The following CAPZA1 variants were observed in gnomAD, a reference collection of about 807,000 sequenced individuals.
CAPZA1 encodes capping actin protein of muscle Z-line subunit alpha 1, also known as F-actin-capping protein subunit alpha-1.
Under a neutral mutation model 40.8 loss-of-function variants are expected in CAPZA1, and 10 were observed. The observed-to-expected ratio is 0.25, with a 90% CI of 0.15 to 0.42. The LOEUF (loss-of-function observed/expected upper bound fraction) is 0.42, where lower values mean the gene tolerates loss of function less well. CAPZA1 is among the 10% of genes least tolerant of loss of function. The pLI is 1.00. For synonymous variants in CAPZA1, 98 were observed against 115.0 expected (o/e 0.85, Z 0.95); for missense variants, 277 against 353.8 (o/e 0.78, Z 1.74).
At chr1:112,656,466 T>TTTTTTTC (rs1553180448) in intron 5 of CAPZA1, among the ~76,000 whole-genome samples, 4,250 of 94,336 alleles carry the variant, frequency 0.045, 1,043 homozygotes, top group Middle Eastern at 0.12. Flanking sequence ...TTTTTTTTTT[T>TTTTTTTC]AATGAGAATA....
chr1:112,642,072 T>G (rs1456590670), intron 1 of CAPZA1, among the ~76,000 whole-genome samples: 1 of 152,114 alleles, frequency 6.6e-6, no homozygotes, highest in African/African-American at 2.4e-5. Flanking sequence ...AACTCCTGCG[T>G]TCAGTTTGTT....
chr1:112,644,771 G>A (rs1485032006), intron 1 of CAPZA1, among the ~76,000 whole-genome samples: 1 of 152,028 alleles, frequency 6.6e-6, no homozygotes, highest in Admixed American at 6.5e-5. Context: ...ACCCATTTGT[G>A]GTGAGTCCTA....
chr1:112,641,104 T>A (rs1671148025), intron 1 of CAPZA1, among the ~76,000 whole-genome samples: 1 of 152,172 alleles, frequency 6.6e-6, no homozygotes, highest in South Asian at 2.1e-4. Context: ...CAGGGTCCTC[T>A]GCCTAGGAAA....
chr1:112,644,888 A>C (rs775304180), intron 1 of CAPZA1, among the ~76,000 whole-genome samples: 33 of 152,212 alleles, frequency 2.2e-4, no homozygotes, highest in Non-Finnish European at 4.3e-4. Context: ...AGGATCTTAC[A>C]TCAGTTTAAG....
chr1:112,629,596 T>G (rs945448667), intron 1 of CAPZA1, among the ~76,000 whole-genome samples: 2 of 152,228 alleles, frequency 1.3e-5, no homozygotes, highest in African/African-American at 2.4e-5. Context: ...GATTTCCAAG[T>G]TTTGTGAGGC....
chr1:112,669,879 C>G, intron 9 of CAPZA1, 113 bp from the exon 10 acceptor site: 1 of 1,135,782 alleles, frequency 8.8e-7, no homozygotes, highest in Non-Finnish European at 1.3e-6. Flanking sequence ...ATAATATATC[C>G]TGTCTATCCT....
At chr1:112,620,647 A>T (rs915838023) in intron 1 of CAPZA1, 1 of 152,248 alleles carries the variant, frequency 6.6e-6, no homozygotes, top group African/African-American at 2.4e-5. Context: ...AATAAACCTT[A>T]TGTTAACACG....
At position 112,670,131 on chromosome 1, in the gene CAPZA1, A is replaced by G; in HGVS notation, c.860A>G (p.Ter287=). ...YKIGKEMQNA[*] ...ATTGGCAAAGAAATGCAGAATGCTT[A>G]AAGGCTGAATGTAGGATTCTTCAGT... Residue 287 remains the stop codon, a stop_retained_variant, in exon 10 of 10, where the codon TAA becomes TGA. Transcript: ENST00000263168. 1.2e-6 allele frequency: 2 copies of G among 1,613,960 alleles called. No individual in the cohort carries two copies. The highest frequency in any genetic ancestry group is 1.7e-5 in the Admixed American group (1 of 60,020).
chr1:112,646,098 G>A (rs142747300), intron 1 of CAPZA1, among the ~76,000 whole-genome samples: 208 of 152,134 alleles, frequency 1.4e-3, no homozygotes, highest in Non-Finnish European at 2.4e-3. Flanking sequence ...TGAGATAAGC[G>A]GATTAGAACC....
chr1:112,638,520 G>A (rs1404857724), intron 1 of CAPZA1, among the ~76,000 whole-genome samples: 1 of 152,012 alleles, frequency 6.6e-6, no homozygotes, highest in Non-Finnish European at 1.5e-5. Flanking sequence ...ACACCATGTT[G>A]GCCAGGCTGG....
At chr1:112,653,485 T>A in intron 3 of CAPZA1, 113 bp from the exon 4 acceptor site, 1 of 713,738 alleles carries the variant, frequency 1.4e-6, no homozygotes, top group Non-Finnish European at 2.3e-6. Flanking sequence ...GGGTACTATT[T>A]TCACATTTCC....
At chr1:112,656,263 T>A (rs1671497377) in intron 5 of CAPZA1, among the ~76,000 whole-genome samples, 1 of 152,164 alleles carries the variant, frequency 6.6e-6, no homozygotes, top group African/African-American at 2.4e-5. Context: ...TTACTTAACA[T>A]CTCTGTGCCT....
intron 3 of CAPZA1, 163 bp downstream of exon 3, chr1:112,649,632 C>T (rs1671346853): frequency 1.6e-6 from 1 of 626,434 alleles, no homozygotes; most frequent in Admixed American, 3.2e-5. Context: ...ACATGTTCCC[C>T]CAATTGTTGT....
chr1:112,619,905 C>G, intron 1 of CAPZA1, 22 bp downstream of exon 1: 1 of 1,593,536 alleles, frequency 6.3e-7, no homozygotes, highest in African/African-American at 1.3e-5. Context: ...GCCTCTCTCT[C>G]TTACCTCCTC....
chr1:112,632,130 C>T (rs1450426955), intron 1 of CAPZA1, among the ~76,000 whole-genome samples: 1 of 152,134 alleles, frequency 6.6e-6, no homozygotes, highest in African/African-American at 2.4e-5. Context: ...CATGGTGAAA[C>T]CCCATCTCTA....
intron 8 of CAPZA1, among the ~76,000 whole-genome samples, chr1:112,668,245 C>T (rs1229398199): frequency 1.3e-5 from 2 of 152,114 alleles, no homozygotes; most frequent in Non-Finnish European, 2.9e-5. Context: ...CACTGCACTT[C>T]AGCCTGGGTG....
intron 3 of CAPZA1, among the ~76,000 whole-genome samples, chr1:112,653,173 A>C (rs1183274615): frequency 6.6e-6 from 1 of 152,210 alleles, no homozygotes; most frequent in Non-Finnish European, 1.5e-5. Flanking sequence ...GATTGCTTCA[A>C]ACTTTGGAAT....
Position 112,659,773 on chromosome 1 carries a change from G to T in CAPZA1, c.579G>T (p.Lys193Asn). Residue 193 changes from lysine to asparagine, a missense_variant, in exon 7 of 10, where the codon AAG (lysine) becomes AAT (asparagine). Physicochemically the swap from Lys to Asn is moderately conservative, Grantham distance 94 (BLOSUM62 0). Around this residue, in one of 2 missense-constraint regions of CAPZA1, gnomAD observed 192 missense variants for 277.2 expected, o/e 0.69. Transcript: ENST00000263168. ...PPTAQVVGVL[K>N]IQVHYYEDGN... ...CAGCCCAGGTGGTTGGCGTGCTTAA[G>T]ATTCAGGTGAGATTCCAACATGTTT... 6.2e-7 allele frequency: 1 copy of T among 1,612,356 alleles called. No homozygotes were observed. The highest frequency in any genetic ancestry group is 1.1e-5 in the South Asian group (1 of 90,972).
intron 1 of CAPZA1, 22 bp downstream of exon 1, chr1:112,619,905 C>A: frequency 3.1e-6 from 5 of 1,593,536 alleles, no homozygotes; most frequent in Non-Finnish European, 4.3e-6. Flanking sequence ...GCCTCTCTCT[C>A]TTACCTCCTC....
Sources: gnomAD v4.1 joint callset for allele counts (sites outside exome capture counted in the v4.1 genomes callset) on GRCh38, gnomAD v4.1.1 for gene constraint, gnomAD v4.1.1 regional missense constraint, MANE v1.5 for transcripts, NCBI Gene and HGNC (gene_info 2026-07-23, HGNC 2026-07-21) for gene names.